The following CILK1 variants were observed in gnomAD, a reference collection of about 807,000 sequenced individuals.
CILK1 encodes the protein ciliogenesis associated kinase 1.
CILK1 carries 47 observed loss-of-function variants against 79.2 expected under a neutral mutation model. That is an observed-to-expected ratio of 0.59 (90% CI 0.47 to 0.76). The LOEUF (loss-of-function observed/expected upper bound fraction) is 0.76. Ranked by LOEUF, CILK1 falls within the 30% of genes least tolerant of loss-of-function variation. The pLI is 0.00. For missense variants in CILK1, 660 were observed against 769.5 expected (o/e 0.86, Z 1.68); for synonymous variants, 266 against 275.9 (o/e 0.96, Z 0.36).
chr6:53,030,991 A>G, intron 5 of CILK1, 74 bp downstream of exon 5: 1 of 1,049,744 alleles, frequency 9.5e-7, no homozygotes. Flanking sequence ...AAAAAATATT[A>G]ATGTTTCCTA....
chr6:53,059,662 G>A (rs919016341), intron 1 of CILK1, among the ~76,000 whole-genome samples: 23 of 152,206 alleles, frequency 1.5e-4, no homozygotes, highest in Non-Finnish European at 2.8e-4. Flanking sequence ...AGAGATGCAT[G>A]CTGAAATGAA....
At chr6:53,026,234 G>A (rs749596709) in intron 5 of CILK1, among the ~76,000 whole-genome samples, 15 of 152,042 alleles carry the variant, frequency 9.9e-5, no homozygotes, top group African/African-American at 1.9e-4. Context: ...GTGCCATCTC[G>A]GCTCACTGCA....
intron 1 of CILK1, among the ~76,000 whole-genome samples, chr6:53,059,926 C>G (rs1025975059): frequency 6.6e-6 from 1 of 152,068 alleles, no homozygotes; most frequent in Admixed American, 6.5e-5. Flanking sequence ...GCTTGGGAGG[C>G]TGTTGCAGTA....
At chr6:53,006,943 A>G (rs1764259350) in intron 12 of CILK1, among the ~76,000 whole-genome samples, 2 of 152,230 alleles carry the variant, frequency 1.3e-5, no homozygotes, top group South Asian at 4.1e-4. Context: ...CATCAGAAAA[A>G]TTAACCATTT....
intron 5 of CILK1, 50 bp from the exon 6 acceptor site, chr6:53,019,409 TTA>T (rs1765085415): frequency 6.2e-7 from 1 of 1,604,916 alleles, no homozygotes; most frequent in East Asian, 2.2e-5. Flanking sequence ...TTGCTTCGTA[TTA>T]TTCTTTGCAA....
intron 1 of CILK1, among the ~76,000 whole-genome samples, chr6:53,048,133 A>G (rs1767230329): frequency 6.6e-6 from 1 of 152,320 alleles, no homozygotes; most frequent in Non-Finnish European, 1.5e-5. Context: ...CTGTGTTCAG[A>G]ATAAGGAATG....
intron 12 of CILK1, among the ~76,000 whole-genome samples, chr6:53,007,361 G>A (rs759503669): frequency 1.3e-5 from 2 of 152,032 alleles, no homozygotes; most frequent in Non-Finnish European, 2.9e-5. Context: ...GAAACATGAA[G>A]AAAAATGGGA....
chr6:53,025,931 T>C (rs906056527), intron 5 of CILK1, among the ~76,000 whole-genome samples: 2 of 152,220 alleles, frequency 1.3e-5, no homozygotes, highest in African/African-American at 2.4e-5. Context: ...TATTTTAACA[T>C]GACATTACTA....
intron 3 of CILK1, among the ~76,000 whole-genome samples, chr6:53,034,049 T>C (rs1766148415): frequency 6.6e-6 from 1 of 152,238 alleles, no homozygotes; most frequent in East Asian, 1.9e-4. Context: ...AATATAAACA[T>C]TGCTTAACTT....
chr6:53,013,667 G>A lies in CILK1; in HGVS notation c.1147C>T (p.Gln383Ter), dbSNP rs1349095498. 5 of 1,613,976 alleles carry A rather than the reference G, an allele frequency of 3.1e-6. No homozygotes were observed. Among genetic ancestry groups the A allele is most frequent in the Non-Finnish European group, 4.2e-6 (5 of 1,179,980 alleles). ...GGTGAATCTGGGCTGCTCACCGACT[G>A]TGGATGCTTGTTGTGGAGGGATGGG... Reference protein sequence around the residue: ...LFPSLHNKHPQSKITAGLEHK... With the variant: ...LFPSLHNKHP Residue 383 changes from glutamine to a stop codon, truncating the protein, a stop_gained, in exon 9 of 14, where the codon CAG becomes TAG. Coordinates refer to ENST00000676107, the MANE Select transcript of CILK1 (RefSeq NM_014920.5). LOFTEE classifies it high-confidence loss of function.
At position 53,013,856 on chromosome 6, in the gene CILK1, C is replaced by T. The variant is rs33936662; in HGVS notation, c.958G>A (p.Val320Ile). 0.081 allele frequency: 131,004 copies of T among 1,613,826 alleles called. 5,871 individuals carry two copies. Among genetic ancestry groups the T allele is most frequent in the Non-Finnish European group, 0.093 (110,164 of 1,179,808 alleles). The change falls in exon 9 of 14, where the codon GTC becomes ATC. Residue 320 changes from valine (V) to isoleucine (I), a missense_variant. Coordinates refer to ENST00000676107, the MANE Select transcript of CILK1 (RefSeq NM_014920.5). ...KAGPPPYIKPVPPAQPPAKPH... is the reference protein window; with the variant it reads ...KAGPPPYIKPIPPAQPPAKPH... ...TTGGCTGGTGGCTGGGCAGGTGGGA[C>T]TGGCTTAATATAAGGAGGTGGGCCT...
At chr6:53,007,889 G>A (rs1270251198) in intron 12 of CILK1, among the ~76,000 whole-genome samples, 1 of 151,724 alleles carries the variant, frequency 6.6e-6, no homozygotes, top group Non-Finnish European at 1.5e-5. Flanking sequence ...GCAGTGAGCC[G>A]AGATCATGCC....
At chr6:53,032,683 A>T (rs372584967) in intron 3 of CILK1, 29 bp from the exon 4 acceptor site, 2 of 1,563,184 alleles carry the variant, frequency 1.3e-6, no homozygotes, top group Non-Finnish European at 1.7e-6. Context: ...ACACAAAACA[A>T]AACAAATATT....
Position 53,047,500 on chromosome 6 carries a change from C to CTTT in CILK1, c.-172-6095_-172-6093dup, listed in dbSNP as rs574158671. On this transcript the variant is annotated intron_variant, in intron 1 of 13. Coordinates refer to ENST00000676107, the MANE Select transcript of CILK1 (RefSeq NM_014920.5). The stretch of plus-strand genomic sequence containing the variant: ...TTTTTTTTTTTAAGAGATGAGGTCT[C>CTTT]TTTTTTTTTTTTTTTTCCCAGGTTG... Among the ~76,000 whole-genome samples, 19 of 82,394 alleles carry CTTT rather than the reference C, an allele frequency of 2.3e-4. 2 individuals carry two copies. The highest frequency in any genetic ancestry group is 7.4e-4 in the African/African-American group (16 of 21,514). The allele number at this position is 82,394 out of a possible 152,430, so 54.1% of individuals were successfully genotyped here.
In CILK1 at chr6:53,025,496, T is replaced by C. The variant is rs114561937; in HGVS notation, c.358+5569A>G. On this transcript the variant is annotated intron_variant, in intron 5 of 13. Coordinates refer to ENST00000676107, the MANE Select transcript of CILK1 (RefSeq NM_014920.5). ...CTCCCATCAGCCAAGCTTTATCCTC[T>C]CCCTCACTGCTAACTCCTCTTTAAT... 1.8e-3 allele frequency among the ~76,000 whole-genome samples: 269 copies of C among 152,284 alleles called. 3 individuals carry two copies. Among genetic ancestry groups the C allele is most frequent in the African/African-American group, 6.3e-3 (261 of 41,558 alleles).
At chr6:53,012,554 T>C (rs569245313) in intron 9 of CILK1, among the ~76,000 whole-genome samples, 17 of 152,358 alleles carry the variant, frequency 1.1e-4, no homozygotes, top group Non-Finnish European at 2.2e-4. Flanking sequence ...ATCTCTGTTA[T>C]AAATATGGAT....
chr6:53,023,314 C>A (rs1269448194), intron 5 of CILK1, among the ~76,000 whole-genome samples: 2 of 152,148 alleles, frequency 1.3e-5, no homozygotes, highest in East Asian at 1.9e-4. Context: ...GGCACAGTGG[C>A]AGGAGCACTG....
chr6:53,017,167 TTC>T (rs1236529080), intron 7 of CILK1, among the ~76,000 whole-genome samples: 4 of 152,184 alleles, frequency 2.6e-5, no homozygotes, highest in African/African-American at 7.2e-5. Flanking sequence ...TCAGGAAACT[TTC>T]TTGAAGAGGT....
Position 53,037,889 on chromosome 6 carries a change from A to G in CILK1, c.156+50T>C, listed in dbSNP as rs160629. 4.0e-3 allele frequency: 4,381 copies of G among 1,100,310 alleles called. 127 individuals carry two copies. The African/African-American group carries it at 0.059, about 15-fold the overall frequency. 68.2% of individuals were successfully genotyped at this position (1,100,310 alleles called of 1,614,324 possible). A position where few individuals can be genotyped will look rare whatever the true frequency, so the allele number is the denominator to read the frequency against. On this transcript the variant is annotated intron_variant, in intron 3 of 13. Coordinates refer to ENST00000676107, the MANE Select transcript of CILK1 (RefSeq NM_014920.5). ...ATCAACTATAAATCTAAGCATGTAC[A>G]AAGCTATTTTAATCATCCATAAATT...
Sources: allele counts gnomAD v4.1 joint callset (sites outside exome capture counted in the v4.1 genomes callset), GRCh38; gene constraint gnomAD v4.1.1; transcripts MANE v1.5; gene names NCBI Gene and HGNC (gene_info 2026-07-23, HGNC 2026-07-21).